Variants in METTL15 observed in about 807,000 individuals in gnomAD.
METTL15 encodes the protein 12S rRNA N(4)-cytidine methyltransferase METTL15.
METTL15 carries 34 observed loss-of-function variants against 38.3 expected under a neutral mutation model. The observed-to-expected ratio is 0.89, with a 90% confidence interval of 0.68 to 1.18. METTL15 has a LOEUF of 1.18. Among genes scored for constraint, METTL15 ranks in the 50% most tolerant of loss-of-function variants. The pLI is 0.00. For missense variants in METTL15, 438 were observed against 498.4 expected (o/e 0.88, Z 1.15); for synonymous variants, 162 against 170.9 (o/e 0.95, Z 0.41).
At chr11:28,261,949 A>G (rs936995255) in intron 4 of METTL15, among the ~76,000 whole-genome samples, 2 of 152,180 alleles carry the variant, frequency 1.3e-5, no homozygotes, top group African/African-American at 2.4e-5. Context: ...ACTAAGACAT[A>G]AAGAGGTTCA....
chr11:28,173,669 C>G (rs1850942354), intron 3 of METTL15, among the ~76,000 whole-genome samples: 1 of 152,162 alleles, frequency 6.6e-6, no homozygotes, highest in Admixed American at 6.5e-5. Context: ...ACTCATATTT[C>G]CTTAGCTTTT....
At chr11:28,289,754 A>G (rs1451303154) in intron 4 of METTL15, among the ~76,000 whole-genome samples, 1 of 152,174 alleles carries the variant, frequency 6.6e-6, no homozygotes, top group African/African-American at 2.4e-5. Context: ...AACATGGAGA[A>G]AGCTAAAATG....
chr11:28,470,984 A>G (rs1048521998), intron 6 of METTL15, among the ~76,000 whole-genome samples: 1 of 152,128 alleles, frequency 6.6e-6, no homozygotes, highest in African/African-American at 2.4e-5. Context: ...CTAAAACAAC[A>G]ACAACTTCTT....
chr11:28,178,104 T>C (rs1348315433), intron 3 of METTL15, among the ~76,000 whole-genome samples: 1 of 151,932 alleles, frequency 6.6e-6, no homozygotes, highest in East Asian at 1.9e-4. Flanking sequence ...CCAATTTGCA[T>C]GAGTTATCAT....
intron 6 of METTL15, among the ~76,000 whole-genome samples, chr11:28,513,484 AC>A (rs1358027818): frequency 6.6e-6 from 1 of 152,148 alleles, no homozygotes; most frequent in Non-Finnish European, 1.5e-5. Context: ...CATGAAATCT[AC>A]CTGCATGAGG....
At chr11:28,528,345 G>A (rs1851825596), downstream of METTL15, among the ~76,000 whole-genome samples, 1 of 152,160 alleles carries the variant, frequency 6.6e-6, no homozygotes, top group African/African-American at 2.4e-5. Context: ...CTAATACTAA[G>A]CAATTATGTA....
intron 3 of METTL15, among the ~76,000 whole-genome samples, chr11:28,169,933 A>G (rs192044725): frequency 2.0e-5 from 3 of 152,256 alleles, no homozygotes; most frequent in Non-Finnish European, 2.9e-5. Context: ...TTGCTTATTT[A>G]CTAATGATTT....
intron 4 of METTL15, among the ~76,000 whole-genome samples, chr11:28,271,771 G>C (rs1855649282): frequency 6.6e-6 from 1 of 152,122 alleles, no homozygotes. Flanking sequence ...ACTATCATCA[G>C]AGTGAACAGG....
chr11:28,297,292 A>G (rs922570713), intron 6 of METTL15, among the ~76,000 whole-genome samples: 1 of 152,166 alleles, frequency 6.6e-6, no homozygotes, highest in African/African-American at 2.4e-5. Context: ...TTCTTGATCC[A>G]TCGCAGTGGT....
intron 4 of METTL15, among the ~76,000 whole-genome samples, chr11:28,242,726 C>G (rs565756912): frequency 6.6e-6 from 1 of 152,204 alleles, no homozygotes; most frequent in African/African-American, 2.4e-5. Context: ...TAAAGCCGAT[C>G]TGACTAGTGA....
intron 6 of METTL15, among the ~76,000 whole-genome samples, chr11:28,302,306 AT>A: frequency 6.6e-6 from 1 of 152,166 alleles, no homozygotes; most frequent in Admixed American, 6.5e-5. Flanking sequence ...ATTCAGTAAA[AT>A]AACTTCAACG....
At chr11:28,450,725 A>C (rs1039217884) in intron 6 of METTL15, among the ~76,000 whole-genome samples, 2 of 152,234 alleles carry the variant, frequency 1.3e-5, no homozygotes, top group African/African-American at 4.8e-5. Context: ...AGTTGTGTGG[A>C]TATGTATATG....
chr11:28,246,781 A>G (rs1854531441), intron 4 of METTL15, among the ~76,000 whole-genome samples: 1 of 152,142 alleles, frequency 6.6e-6, no homozygotes, highest in Non-Finnish European at 1.5e-5. Context: ...TCTGTGAGCA[A>G]GGGTTACCAT....
intron 3 of METTL15, among the ~76,000 whole-genome samples, chr11:28,204,326 A>G (rs1408919312): frequency 6.6e-6 from 1 of 151,796 alleles, no homozygotes; most frequent in East Asian, 1.9e-4. Flanking sequence ...CTCTTCAGAA[A>G]GAGCAGAGAA....
At chr11:28,181,976 T>G (rs1851306930) in intron 3 of METTL15, among the ~76,000 whole-genome samples, 1 of 152,200 alleles carries the variant, frequency 6.6e-6, no homozygotes, top group Non-Finnish European at 1.5e-5. Flanking sequence ...GATATCTTGT[T>G]GTGGTTTTGA....
intron 3 of METTL15, among the ~76,000 whole-genome samples, chr11:28,348,491 C>G (rs7937117): frequency 0.29 from 43,711 of 151,956 alleles, 7,088 homozygotes; most frequent in African/African-American, 0.43. Context: ...ACTCAGCCTT[C>G]TGAGTAGCAG....
At chr11:28,218,532 T>C (rs1029605296) in intron 4 of METTL15, among the ~76,000 whole-genome samples, 2 of 152,156 alleles carry the variant, frequency 1.3e-5, no homozygotes, top group Admixed American at 6.6e-5. Flanking sequence ...CCTGTTTTCC[T>C]AATTGAATAC....
chr11:28,389,339 T>A (rs1304761080), intron 5 of METTL15, among the ~76,000 whole-genome samples: 1 of 150,102 alleles, frequency 6.7e-6, no homozygotes, highest in African/African-American at 2.4e-5. Context: ...CATTAACTCG[T>A]CATTTAGCAT....
chr11:28,428,486 C>G (rs1850884384), intron 6 of METTL15, among the ~76,000 whole-genome samples: 1 of 152,174 alleles, frequency 6.6e-6, no homozygotes, highest in Non-Finnish European at 1.5e-5. Flanking sequence ...ATATAATACA[C>G]TTAGTTCTAT....
Sources: allele counts gnomAD v4.1 joint callset (sites outside exome capture counted in the v4.1 genomes callset), GRCh38; gene constraint gnomAD v4.1.1; transcripts MANE v1.5; gene names NCBI Gene and HGNC (gene_info 2026-07-23, HGNC 2026-07-21).